The following PPARG variants were observed in gnomAD, a reference collection of about 807,000 sequenced individuals.
PPARG encodes the protein peroxisome proliferator activated receptor gamma, also known as peroxisome proliferator-activated receptor gamma.
In PPARG, 17 loss-of-function variants were observed where a neutral mutation model predicts 39.2. That is an observed-to-expected ratio of 0.43 (90% CI 0.30 to 0.65). PPARG has a LOEUF of 0.65. PPARG is among the 30% of genes least tolerant of loss of function. The pLI is 0.13. For synonymous variants in PPARG, 223 were observed against 215.7 expected (o/e 1.03, Z -0.30); for missense variants, 406 against 585.9 (o/e 0.69, Z 3.17).
chr3:12,415,074 G>GGCTGCCACGGCC (rs1340693989), intron 6 of PPARG, among the ~76,000 whole-genome samples: 1 of 152,140 alleles, frequency 6.6e-6, no homozygotes, highest in African/African-American at 2.4e-5. Flanking sequence ...TCTTGAAGCC[G>GGCTGCCACGGCC]GCTGCCACGG....
chr3:12,310,056 C>T (rs57052381), intron 1 of PPARG, among the ~76,000 whole-genome samples: 13,178 of 152,228 alleles, frequency 0.087, 728 homozygotes, highest in Admixed American at 0.17. Flanking sequence ...GATCTTGTCT[C>T]TGCCCTACTG....
intron 7 of PPARG, among the ~76,000 whole-genome samples, chr3:12,418,065 C>T (rs969506095): frequency 3.9e-5 from 6 of 151,918 alleles, no homozygotes; most frequent in Admixed American, 2.0e-4. Flanking sequence ...CAGTTGGGCT[C>T]AAGTGATTCT....
intron 2 of PPARG, among the ~76,000 whole-genome samples, chr3:12,313,081 T>G (rs555158023): frequency 6.6e-4 from 101 of 152,254 alleles, no homozygotes; most frequent in Non-Finnish European, 1.1e-3. Context: ...GTCCCCAACT[T>G]TTTTGGGAAG....
At position 12,416,774 on chromosome 3, in the gene PPARG, C is replaced by G; in HGVS notation, c.800C>G (p.Pro267Arg). Residue 267 changes from proline to arginine, a missense_variant, in exon 7 of 8, where the codon CCC (proline) becomes CGC (arginine). Transcript: ENST00000651735. ...AAAATCAAGTTCAAACACATCACCC[C>G]CCTGCAGGAGCAGAGCAAAGAGGTG... Reference protein sequence around the residue: ...EDKIKFKHITPLQEQSKEVAI... With the variant: ...EDKIKFKHITRLQEQSKEVAI... 6.2e-7 allele frequency: 1 copy of G among 1,614,090 alleles called. No individual in the cohort carries two copies. The highest frequency in any genetic ancestry group is 8.5e-7 in the Non-Finnish European group (1 of 1,179,984).
intron 4 of PPARG, among the ~76,000 whole-genome samples, chr3:12,384,345 G>A (rs542698073): frequency 3.3e-5 from 5 of 152,022 alleles, no homozygotes; most frequent in South Asian, 4.1e-4. Flanking sequence ...ACCCTGCTTC[G>A]GCTGGGGTTT....
chr3:12,338,701 AC>A (rs2048087723), intron 2 of PPARG, among the ~76,000 whole-genome samples: 1 of 152,134 alleles, frequency 6.6e-6, no homozygotes, highest in Non-Finnish European at 1.5e-5. Flanking sequence ...TTTTTCCAAG[AC>A]TTTTTTCTTT....
At chr3:12,323,319 A>G (rs1559493262) in intron 2 of PPARG, among the ~76,000 whole-genome samples, 1 of 152,220 alleles carries the variant, frequency 6.6e-6, no homozygotes, top group Non-Finnish European at 1.5e-5. Context: ...CTCGATTCAG[A>G]TTTTAGAATC....
intron 2 of PPARG, among the ~76,000 whole-genome samples, chr3:12,346,719 C>T (rs1240409435): frequency 1.3e-5 from 2 of 151,876 alleles, no homozygotes; most frequent in Non-Finnish European, 2.9e-5. Flanking sequence ...ACTGCAGCCT[C>T]GGTCTCCTGG....
intron 2 of PPARG, among the ~76,000 whole-genome samples, chr3:12,369,930 TC>T (rs973229795): frequency 2.0e-5 from 3 of 152,180 alleles, no homozygotes; most frequent in African/African-American, 7.2e-5. Flanking sequence ...TCTCAGGTGA[TC>T]CCACCTGGCC....
At chr3:12,295,727 C>T (rs2124933393) in intron 1 of PPARG, among the ~76,000 whole-genome samples, 1 of 151,726 alleles carries the variant, frequency 6.6e-6, no homozygotes, top group Admixed American at 6.6e-5. Flanking sequence ...GTTGGCCAGT[C>T]TGGTCTCGAA....
intron 1 of PPARG, among the ~76,000 whole-genome samples, chr3:12,295,862 C>T (rs75570295): frequency 0.04 from 6,032 of 152,136 alleles, 376 homozygotes; most frequent in African/African-American, 0.13. Flanking sequence ...AGTTTGATGT[C>T]TGCAAAAATC....
intron 4 of PPARG, 66 bp downstream of exon 4, chr3:12,381,557 T>G (rs1421037122): frequency 6.7e-7 from 1 of 1,493,510 alleles, no homozygotes; most frequent in Non-Finnish European, 9.2e-7. Context: ...GCAGAACCCC[T>G]TTTTTAGGTG....
At chr3:12,433,398 C>T (rs560105160) in intron 7 of PPARG, among the ~76,000 whole-genome samples, 9 of 151,992 alleles carry the variant, frequency 5.9e-5, no homozygotes, top group East Asian at 3.9e-4. Flanking sequence ...ATTAGAAAGG[C>T]GTGGTGGTGA....
intron 5 of PPARG, among the ~76,000 whole-genome samples, chr3:12,394,211 C>T (rs1190902297): frequency 1.3e-5 from 2 of 152,134 alleles, no homozygotes; most frequent in African/African-American, 4.8e-5. Context: ...ACTGAGACAG[C>T]CTAGGAAAGC....
intron 2 of PPARG, among the ~76,000 whole-genome samples, chr3:12,372,336 A>G (rs1423335112): frequency 2.0e-5 from 3 of 152,210 alleles, no homozygotes; most frequent in Admixed American, 1.3e-4. Flanking sequence ...AGTGTGGGCT[A>G]TGGAGCTTCA....
At position 12,397,378 on chromosome 3, in the gene PPARG, T is replaced by TTTATTATTA. The variant is rs200520715; in HGVS notation, c.529+4668_529+4676dup. On this transcript the variant is annotated intron_variant, in intron 5 of 7. Transcript: ENST00000651735. ...AGATTTCAACTTTAACCTATTCCTT[T>TTTATTATTA]TTATTATTATTATTATTATTATTAT... Among the ~76,000 whole-genome samples the TTTATTATTA allele has an allele frequency of 5.4e-4, 71 of 132,108 alleles. 1 individual carries two copies. Among genetic ancestry groups the TTTATTATTA allele is most frequent in the South Asian group, 1.9e-3 (7 of 3,754 alleles). The allele number at this position is 132,108 out of a possible 152,430, so 86.7% of individuals were successfully genotyped here. A position where few individuals can be genotyped will look rare whatever the true frequency, so the allele number is the denominator to read the frequency against.
intron 1 of PPARG, among the ~76,000 whole-genome samples, chr3:12,304,271 G>A (rs1327503164): frequency 6.6e-6 from 1 of 152,188 alleles, no homozygotes; most frequent in Non-Finnish European, 1.5e-5. Context: ...ACTTGAGGAT[G>A]TCTTTGGGAT....
At chr3:12,358,483 C>A (rs553635394) in intron 2 of PPARG, among the ~76,000 whole-genome samples, 2 of 152,214 alleles carry the variant, frequency 1.3e-5, no homozygotes, top group African/African-American at 2.4e-5. Flanking sequence ...GTAAAATATT[C>A]TCATTATTCT....
intron 5 of PPARG, among the ~76,000 whole-genome samples, chr3:12,404,610 C>T (rs527932137): frequency 6.6e-6 from 1 of 152,226 alleles, no homozygotes; most frequent in African/African-American, 2.4e-5. Flanking sequence ...TTGAGACCCA[C>T]CTGGACAACG....
Sources: gnomAD v4.1 joint callset for allele counts (sites outside exome capture counted in the v4.1 genomes callset) on GRCh38, gnomAD v4.1.1 for gene constraint, MANE v1.5 for transcripts, NCBI Gene and HGNC (gene_info 2026-07-23, HGNC 2026-07-21) for gene names.